Variants in ARFGEF1 observed in about 807,000 individuals in gnomAD.
ARFGEF1 encodes the protein brefeldin A-inhibited guanine nucleotide-exchange protein 1.
In ARFGEF1, 42 loss-of-function variants were observed where a neutral mutation model predicts 231.0. That is an observed-to-expected ratio of 0.18 (90% confidence interval 0.14 to 0.24). The LOEUF is 0.24. Ranked by LOEUF, ARFGEF1 falls within the 10% of genes least tolerant of loss-of-function variation. ARFGEF1 has a pLI of 1.00. For missense variants in ARFGEF1, 1,345 were observed against 2,192.0 expected (o/e 0.61, Z 7.72); for synonymous variants, 710 against 732.3 (o/e 0.97, Z 0.49).
At position 67,343,297 on chromosome 8, in the gene ARFGEF1, G is replaced by A. The variant is rs777620451; in HGVS notation, c.-10C>T. The stretch of plus-strand genomic sequence containing the variant: ...TCTTCCCCTCATACATGGACGCAGA[G>A]AAGGAGGCGGCGGCTCGTCCGACCC... On this transcript the variant is annotated 5_prime_UTR_variant, in exon 1 of 39. Coordinates refer to ENST00000262215, the MANE Select transcript of ARFGEF1 (RefSeq NM_006421.5). The A allele has an allele frequency of 3.3e-5, 53 of 1,612,028 alleles. No individual in the cohort carries two copies. The highest frequency in any genetic ancestry group is 4.2e-5 in the Non-Finnish European group (50 of 1,178,626).
intron 1 of ARFGEF1, among the ~76,000 whole-genome samples, chr8:67,313,534 T>C (rs900094143): frequency 5.9e-5 from 9 of 152,202 alleles, no homozygotes; most frequent in Admixed American, 5.9e-4. Flanking sequence ...TGAGCCGAAC[T>C]GCAGTGATTG....
chr8:67,331,451 G>C (rs1216900732), intron 1 of ARFGEF1, among the ~76,000 whole-genome samples: 1 of 152,110 alleles, frequency 6.6e-6, no homozygotes, highest in Non-Finnish European at 1.5e-5. Context: ...CAACTAGAAG[G>C]TGCTGTCTAT....
chr8:67,244,302 CTGT>C (rs542312265), intron 19 of ARFGEF1, among the ~76,000 whole-genome samples: 1,363 of 111,478 alleles, frequency 0.012, 84 homozygotes, highest in African/African-American at 0.033. Flanking sequence ...CTCTCTCTCT[CTGT>C]TGTTGTTGTT....
At chr8:67,255,726 G>C (rs973438061) in intron 17 of ARFGEF1, among the ~76,000 whole-genome samples, 4 of 152,228 alleles carry the variant, frequency 2.6e-5, no homozygotes, top group Non-Finnish European at 5.9e-5. Flanking sequence ...CTGCATAGCA[G>C]CACATGACAC....
chr8:67,300,590 G>A (rs1806434472), intron 3 of ARFGEF1, among the ~76,000 whole-genome samples: 1 of 150,216 alleles, frequency 6.7e-6, no homozygotes, highest in Non-Finnish European at 1.5e-5. Flanking sequence ...AGGCCAAGAC[G>A]GGCAGGCAGA....
chr8:67,199,943 T>G (rs904447194), intron 38 of ARFGEF1: 6 of 252,056 alleles, frequency 2.4e-5, no homozygotes, highest in African/African-American at 1.1e-4. Context: ...ATGAGGCCCA[T>G]TCACTAGGGA....
intron 15 of ARFGEF1, among the ~76,000 whole-genome samples, chr8:67,258,855 C>CACACACACACACACACG (rs1395865906): frequency 8.2e-6 from 1 of 122,304 alleles, no homozygotes; most frequent in African/African-American, 4.4e-5. Context: ...ACACACACAC[C>CACACACACACACACACG]AGTCATCACT....
At chr8:67,267,052 G>C in intron 12 of ARFGEF1, 39 bp downstream of exon 12, 1 of 1,608,872 alleles carries the variant, frequency 6.2e-7, no homozygotes, top group Non-Finnish European at 8.5e-7. Flanking sequence ...ACTCTTTCCT[G>C]GTAAAGTTTA....
At chr8:67,281,355 C>A (rs1351927550) in intron 7 of ARFGEF1, among the ~76,000 whole-genome samples, 1 of 151,986 alleles carries the variant, frequency 6.6e-6, no homozygotes, top group Non-Finnish European at 1.5e-5. Context: ...TCAACTGCTA[C>A]TCCTGATTTA....
At chr8:67,282,856 AAAAAG>A (rs910705182) in intron 7 of ARFGEF1, among the ~76,000 whole-genome samples, 1 of 151,774 alleles carries the variant, frequency 6.6e-6, no homozygotes, top group African/African-American at 2.4e-5. Context: ...TCAAAAAAAA[AAAAAG>A]AAAGAAAGAA....
chr8:67,223,309 A>G (rs533884692), intron 29 of ARFGEF1, among the ~76,000 whole-genome samples: 1 of 152,202 alleles, frequency 6.6e-6, no homozygotes, highest in East Asian at 1.9e-4. Flanking sequence ...TCCTGTGCTT[A>G]GGCAATCCCG....
intron 8 of ARFGEF1, 110 bp from the exon 9 acceptor site, chr8:67,276,219 C>G (rs1805307000): frequency 1.6e-6 from 2 of 1,236,296 alleles, no homozygotes; most frequent in Non-Finnish European, 2.3e-6. Context: ...GATTCCCCCA[C>G]TGTTGGAAGG....
Position 67,277,409 on chromosome 8 carries a change from C to T in ARFGEF1, c.1076G>A (p.Gly359Glu). The T allele has an allele frequency of 2.5e-6, 4 of 1,613,718 alleles. No homozygotes were observed. Among genetic ancestry groups the T allele is most frequent in the African/African-American group, 2.7e-5 (2 of 75,008 alleles). Residue 359 changes from glycine (G) to glutamate (E), a missense_variant, in exon 8 of 39, where the codon GGA (glycine) becomes GAA (glutamate). This residue lies in a region of ARFGEF1 where 398 missense variants were observed against 463.2 expected (regional missense o/e 0.86). Coordinates refer to ENST00000262215, the MANE Select transcript of ARFGEF1 (RefSeq NM_006421.5). ...TINASADGNI[G>E]TIEDGSDSEN... is the part of the protein sequence containing the mutation. ...ACTGTCACTACCATCCTCTATAGTT[C>T]CAATGTTGCCATCTGCACTTGCATT...
intron 1 of ARFGEF1, among the ~76,000 whole-genome samples, chr8:67,314,339 C>T (rs1277865651): frequency 1.3e-5 from 2 of 152,196 alleles, no homozygotes; most frequent in Non-Finnish European, 2.9e-5. Context: ...TTCCTTCTCC[C>T]TGTGGAGTTT....
chr8:67,292,081 G>T lies in ARFGEF1; in HGVS notation c.682C>A (p.His228Asn), dbSNP rs1475615865. The change falls in exon 6 of 39, where the codon CAT (histidine) becomes AAT (asparagine). Residue 228 changes from histidine to asparagine, a missense_variant. This residue lies in a region of ARFGEF1 where 398 missense variants were observed against 463.2 expected (regional missense o/e 0.86). Transcript: ENST00000262215. ...ACTGGAGACTGTAACAGATGATGAT[G>T]CTGCCGATGCCTTTCTTTTTCCATT... is the stretch of plus-strand genomic sequence containing the variant. ...KQMEKERHRQ[H>N]HHLLQSPVSH... 1 of 1,613,690 alleles carries T rather than the reference G, an allele frequency of 6.2e-7. No homozygotes were observed. Among genetic ancestry groups the T allele is most frequent in the East Asian group, 2.2e-5 (1 of 44,888 alleles).
chr8:67,213,725 A>T (rs1270771068), intron 33 of ARFGEF1, among the ~76,000 whole-genome samples: 1 of 152,218 alleles, frequency 6.6e-6, no homozygotes, highest in African/African-American at 2.4e-5. Flanking sequence ...GTCCTTATCC[A>T]ATCAGTTGAA....
At chr8:67,319,607 G>T (rs576372168) in intron 1 of ARFGEF1, among the ~76,000 whole-genome samples, 1 of 151,688 alleles carries the variant, frequency 6.6e-6, no homozygotes, top group Non-Finnish European at 1.5e-5. Flanking sequence ...TCAAACTTTC[G>T]GAAAACATAG....
At chr8:67,306,167 A>T (rs1434607149) in intron 1 of ARFGEF1, among the ~76,000 whole-genome samples, 1 of 152,206 alleles carries the variant, frequency 6.6e-6, no homozygotes, top group Non-Finnish European at 1.5e-5. Flanking sequence ...GGGGGTATTA[A>T]GTAAAATAAG....
At chr8:67,193,544 G>A, downstream of ARFGEF1, 3 of 1,613,650 alleles carry the variant, frequency 1.9e-6, no homozygotes, top group Non-Finnish European at 2.5e-6. Flanking sequence ...AGCTTAGAGT[G>A]AGAAATGAGG....
Sources: allele counts gnomAD v4.1 joint callset (sites outside exome capture counted in the v4.1 genomes callset), GRCh38; gene constraint gnomAD v4.1.1; regional missense constraint gnomAD v4.1.1; transcripts MANE v1.5; gene names NCBI Gene and HGNC (gene_info 2026-07-23, HGNC 2026-07-21).